MYOM2: variants seen among roughly 807,000 people sequenced by gnomAD.
MYOM2 encodes the protein myomesin-2.
MYOM2 carries 254 observed loss-of-function variants against 187.6 expected under a neutral mutation model. The ratio of observed to expected loss-of-function variants is 1.35; its 90% CI spans 1.22 to 1.50. The LOEUF (loss-of-function observed/expected upper bound fraction) is 1.50, where lower values mean the gene tolerates loss of function less well. Ranked by LOEUF, MYOM2 falls within the 40% of genes most tolerant of loss-of-function variation. The pLI is 0.00. For missense variants in MYOM2, 2,796 were observed against 1,924.0 expected (o/e 1.45, Z -8.48); for synonymous variants, 981 against 753.8 (o/e 1.30, Z -4.94).
Position 2,078,947 on chromosome 8 carries a change from G to A in MYOM2, c.1462+14G>A, listed in dbSNP as rs753087752. The A allele has an allele frequency of 3.1e-5, 50 of 1,611,632 alleles. No homozygotes were observed. Among genetic ancestry groups the A allele is most frequent in the Middle Eastern group, 1.7e-4 (1 of 5,720 alleles). ...GAAGGTTACAAGGTAAGCTGCTCAC[G>A]CCTAAGTATCCACTGTGCCCAGGAA... is the stretch of plus-strand genomic sequence containing the variant. On this transcript the variant is annotated intron_variant, in intron 12 of 36. Coordinates refer to ENST00000262113, the MANE Select transcript of MYOM2 (RefSeq NM_003970.4).
rs142749566 is a variant in MYOM2 at position 2,085,283 on chromosome 8, C to T, written c.1537C>T (p.Pro513Ser). The T allele has an allele frequency of 1.9e-4, 300 of 1,614,056 alleles. No individual in the cohort carries two copies. The highest frequency in any genetic ancestry group is 4.5e-4 in the Admixed American group (27 of 60,006). ...TCCAGGTGACGCCCAGGTTCCAGGG[C>T]CTCCCACCGGTGTGCACGCTTCCGA... ...DLEGDAQVPG[P>S]PTGVHASEIS... The change falls in exon 14 of 37, where the codon CCT becomes TCT. Residue 513 changes from proline to serine, a missense_variant. Coordinates refer to ENST00000262113, the MANE Select transcript of MYOM2 (RefSeq NM_003970.4).
chr8:2,135,565 C>T (rs114297986), intron 32 of MYOM2, among the ~76,000 whole-genome samples: 19,056 of 152,062 alleles, frequency 0.13, 2,081 homozygotes, highest in African/African-American at 0.28. Context: ...CACAGTTGAC[C>T]ATCCTGCTGG....
intron 2 of MYOM2, among the ~76,000 whole-genome samples, chr8:2,051,934 C>CATTTATTTGCATAA (rs1818503323): frequency 6.6e-6 from 1 of 152,196 alleles, no homozygotes; most frequent in African/African-American, 2.4e-5. Context: ...TTTGCATACA[C>CATTTATTTGCATAA]ATGTGTACGC....
At chr8:2,129,606 G>C (rs4599837) in intron 32 of MYOM2, among the ~76,000 whole-genome samples, 16,442 of 151,610 alleles carry the variant, frequency 0.11, 1,035 homozygotes, top group East Asian at 0.2. Context: ...TTTCCCGCTA[G>C]ACTTGATTAA....
chr8:2,108,699 A>G (rs570388021), intron 23 of MYOM2, 87 bp from the exon 24 acceptor site: 279 of 1,295,126 alleles, frequency 2.2e-4, no homozygotes, highest in East Asian at 3.0e-4. Context: ...GGGGTTTCCA[A>G]TCTTGCTCGT....
At chr8:2,097,395 A>G (rs1796531293) in intron 18 of MYOM2, among the ~76,000 whole-genome samples, 2 of 152,194 alleles carry the variant, frequency 1.3e-5, no homozygotes, top group African/African-American at 4.8e-5. Flanking sequence ...ATGGGGTACA[A>G]TGTGATATTT....
intron 8 of MYOM2, among the ~76,000 whole-genome samples, 170 bp from the exon 9 acceptor site, chr8:2,072,175 G>A (rs1437986605): frequency 3.3e-5 from 5 of 152,066 alleles, no homozygotes; most frequent in Non-Finnish European, 5.9e-5. Flanking sequence ...AGCCTGCAGT[G>A]AGCCGAGGTC....
intron 27 of MYOM2, 54 bp downstream of exon 27, chr8:2,116,329 A>T (rs545378154): frequency 6.7e-7 from 1 of 1,503,250 alleles, no homozygotes; most frequent in African/African-American, 1.4e-5. Context: ...AGCAAAGATG[A>T]TTGGAGTATT....
chr8:2,063,439 T>C (rs1563422399), intron 6 of MYOM2, among the ~76,000 whole-genome samples: 1 of 152,238 alleles, frequency 6.6e-6, no homozygotes, highest in Non-Finnish European at 1.5e-5. Context: ...GACACTGTTT[T>C]ATATGCTCAT....
chr8:2,139,366 C>A (rs1798197116), intron 32 of MYOM2, among the ~76,000 whole-genome samples: 1 of 152,064 alleles, frequency 6.6e-6, no homozygotes, highest in African/African-American at 2.4e-5. Flanking sequence ...GTCTCCAACT[C>A]CTGGGCTCAT....
chr8:2,079,646 C>T (rs1340950174), intron 13 of MYOM2, 33 bp downstream of exon 13: 2 of 1,606,726 alleles, frequency 1.2e-6, no homozygotes, highest in East Asian at 2.2e-5. Flanking sequence ...AGCTGCTCAG[C>T]CCCTGGGGAT....
Position 2,047,987 on chromosome 8 carries a change from G to T in MYOM2, c.-12-2768G>T, listed in dbSNP as rs544558435. Among the ~76,000 whole-genome samples, 3 of 152,230 alleles carry T rather than the reference G, an allele frequency of 2.0e-5. No individual in the cohort carries two copies. In the East Asian group the frequency reaches 5.8e-4, roughly 29 times the overall value. ...ACCTGAGCCGTTTCACATTCTTCCA[G>T]GTCTTAGGTCTAAGGAGGAGGATTT... On this transcript the variant is annotated intron_variant, in intron 1 of 36. Coordinates refer to ENST00000262113, the MANE Select transcript of MYOM2 (RefSeq NM_003970.4).
chr8:2,126,165 C>A (rs1394916850), intron 31 of MYOM2, among the ~76,000 whole-genome samples: 2 of 152,128 alleles, frequency 1.3e-5, no homozygotes, highest in Non-Finnish European at 2.9e-5. Flanking sequence ...TGCTTGTCAC[C>A]TCGAAGCAGA....
At chr8:2,066,855 G>A (rs570040056) in intron 6 of MYOM2, among the ~76,000 whole-genome samples, 6 of 152,356 alleles carry the variant, frequency 3.9e-5, no homozygotes, top group African/African-American at 1.4e-4. Context: ...GTGGTGATCT[G>A]GAAATAGGAC....
chr8:2,086,175 G>A (rs1258247939), intron 14 of MYOM2, among the ~76,000 whole-genome samples: 1 of 17,436 alleles, frequency 5.7e-5, no homozygotes, highest in Non-Finnish European at 1.1e-4. Flanking sequence ...TGATCTCTGC[G>A]TGGCCCCACT....
intron 14 of MYOM2, among the ~76,000 whole-genome samples, chr8:2,088,955 G>A (rs574244152): frequency 1.3e-5 from 2 of 152,050 alleles, no homozygotes; most frequent in African/African-American, 2.4e-5. Flanking sequence ...CCTGGACTGC[G>A]CTCGCTTGGG....
chr8:2,123,966 T>C (rs577765595), intron 30 of MYOM2, among the ~76,000 whole-genome samples: 5 of 152,360 alleles, frequency 3.3e-5, no homozygotes, highest in African/African-American at 1.2e-4. Context: ...TGGATTTATG[T>C]TGAGTAAAAC....
intron 35 of MYOM2, 122 bp from the exon 36 acceptor site, chr8:2,143,279 C>A: frequency 9.0e-7 from 1 of 1,107,420 alleles, no homozygotes; most frequent in Admixed American, 1.9e-5. Flanking sequence ...TTGATGCTCG[C>A]TCTCTCCTGA....
rs773920785 is a variant in MYOM2 at position 2,078,925 on chromosome 8, G to A, written c.1454G>A (p.Arg485Lys). ...VAALDPLDLR[R>K]LQAVHLEGEK... ...GCACTTGACCCCTTGGACCTCAGAA[G>A]GTTACAAGGTAAGCTGCTCACGCCT... The change falls in exon 12 of 37, where the codon AGG (arginine) becomes AAG (lysine). Residue 485 changes from arginine to lysine, a missense_variant. By Grantham distance (26) the Arg-to-Lys change is conservative. Coordinates refer to ENST00000262113, the MANE Select transcript of MYOM2 (RefSeq NM_003970.4). 3.7e-6 allele frequency: 6 copies of A among 1,613,744 alleles called. No individual in the cohort carries two copies. The highest frequency in any genetic ancestry group is 5.1e-6 in the Non-Finnish European group (6 of 1,179,758).
Sources: gnomAD v4.1 joint callset for allele counts (sites outside exome capture counted in the v4.1 genomes callset) on GRCh38, gnomAD v4.1.1 for gene constraint, MANE v1.5 for transcripts, NCBI Gene and HGNC (gene_info 2026-07-23, HGNC 2026-07-21) for gene names.